The following VPS35L variants were observed in gnomAD, a reference collection of about 807,000 sequenced individuals.
VPS35L encodes the protein VPS35 endosomal protein sorting factor like.
Under a neutral mutation model 133.0 loss-of-function variants are expected in VPS35L, and 83 were observed. That is an observed-to-expected ratio of 0.62 (90% CI 0.52 to 0.75). VPS35L has a LOEUF of 0.75. Among genes scored for constraint, VPS35L ranks in the 30% least tolerant of loss-of-function variants. VPS35L has a pLI of 0.00. For missense variants in VPS35L, 1,083 were observed against 1,206.8 expected (o/e 0.90, Z 1.52); for synonymous variants, 423 against 449.9 (o/e 0.94, Z 0.76).
chr16:19,658,958 C>A (rs1036665180), intron 26 of VPS35L, among the ~76,000 whole-genome samples: 1 of 91,884 alleles, frequency 1.1e-5, no homozygotes, highest in Non-Finnish European at 1.7e-5. Context: ...GAGGCTCAGG[C>A]GTGCTCAGGA....
At position 19,699,569 on chromosome 16, in the gene VPS35L, G is replaced by T; in HGVS notation, c.2714G>T (p.Arg905Leu). 6.2e-7 allele frequency: 1 copy of T among 1,614,164 alleles called. No homozygotes were observed. Among genetic ancestry groups the T allele is most frequent in the Non-Finnish European group, 8.5e-7 (1 of 1,180,030 alleles). ...FNSILAHGDL[R>L]NNKLNQLSVN... ...AGCATCTTGGCCCATGGGGACCTAC[G>T]CAACAACAAGCTCAACCAGCTCTCC... Residue 905 changes from arginine (R) to leucine (L), a missense_variant, in exon 30 of 31, where the codon CGC (arginine) becomes CTC (leucine). By Grantham distance (102) the Arg-to-Leu change is moderately radical (BLOSUM62 -2). Coordinates refer to ENST00000417362, the MANE Select transcript of VPS35L (RefSeq NM_020314.7). The surrounding 1 kb of genome is among the most constrained non-coding windows in gnomAD (Gnocchi z 4.2).
intron 1 of VPS35L, among the ~76,000 whole-genome samples, chr16:19,561,550 C>T (rs534825418): frequency 6.6e-6 from 1 of 152,042 alleles, no homozygotes; most frequent in African/African-American, 2.4e-5. Context: ...GTAAAGCTGA[C>T]TAGTTGCACG....
At chr16:19,581,482 T>G in intron 6 of VPS35L, 43 bp from the exon 7 acceptor site, 1 of 1,500,668 alleles carries the variant, frequency 6.7e-7, no homozygotes, top group Admixed American at 2.2e-5. Flanking sequence ...AGTCGAGCAA[T>G]GTTTTTCCTG....
At chr16:19,660,047 C>T (rs550289246) in intron 26 of VPS35L, among the ~76,000 whole-genome samples, 8 of 152,146 alleles carry the variant, frequency 5.3e-5, no homozygotes, top group South Asian at 2.1e-4. Context: ...GATTTTTGGC[C>T]GGGCACGGTG....
At chr16:19,573,840 A>G (rs1971455919) in intron 4 of VPS35L, among the ~76,000 whole-genome samples, 1 of 152,144 alleles carries the variant, frequency 6.6e-6, no homozygotes, top group African/African-American at 2.4e-5. Flanking sequence ...TAATTAATTT[A>G]AAAAATGAAT....
At chr16:19,614,155 T>C (rs953133390) in intron 12 of VPS35L, among the ~76,000 whole-genome samples, 1 of 152,168 alleles carries the variant, frequency 6.6e-6, no homozygotes, top group Admixed American at 6.5e-5. Context: ...AACAGATAAT[T>C]ATTGTCTTTT....
chr16:19,573,984 A>G (rs574869), intron 4 of VPS35L, among the ~76,000 whole-genome samples: 14,853 of 152,182 alleles, frequency 0.098, 787 homozygotes, highest in African/African-American at 0.14. Context: ...CTTTGGCCTC[A>G]AGACACTTAC....
chr16:19,613,761 C>T (rs536586147), intron 12 of VPS35L, among the ~76,000 whole-genome samples: 2 of 152,208 alleles, frequency 1.3e-5, no homozygotes, highest in African/African-American at 4.8e-5. Context: ...GGTCACATGC[C>T]CTTGCATGGA....
chr16:19,634,316 A>G (rs1973553826), intron 19 of VPS35L, among the ~76,000 whole-genome samples: 1 of 151,462 alleles, frequency 6.6e-6, no homozygotes, highest in African/African-American at 2.4e-5. Flanking sequence ...GCATGCCTAT[A>G]GTCCCAGCTA....
intron 29 of VPS35L, among the ~76,000 whole-genome samples, chr16:19,697,412 G>A (rs1975953883): frequency 6.6e-6 from 1 of 152,188 alleles, no homozygotes; most frequent in African/African-American, 2.4e-5. Context: ...ATAGCTCACT[G>A]CAGCCTCAAA....
chr16:19,678,790 TA>T (rs933749095), intron 27 of VPS35L, among the ~76,000 whole-genome samples: 140 of 144,986 alleles, frequency 9.7e-4, no homozygotes, highest in Admixed American at 1.0e-3. Flanking sequence ...TCAGTACAAT[TA>T]AAAAAAAAAA....
chr16:19,630,257 T>C (rs1973404057), intron 18 of VPS35L, among the ~76,000 whole-genome samples: 1 of 151,940 alleles, frequency 6.6e-6, no homozygotes, highest in Non-Finnish European at 1.5e-5. Context: ...GCAGAGACTT[T>C]AGAAGAAGAT....
intron 1 of VPS35L, among the ~76,000 whole-genome samples, chr16:19,557,690 T>C (rs1331721829): frequency 6.6e-6 from 1 of 152,114 alleles, no homozygotes; most frequent in Non-Finnish European, 1.5e-5. Context: ...GCCCGTGCTC[T>C]GAACATTTCC....
chr16:19,560,490 C>T (rs1266054853), intron 1 of VPS35L, among the ~76,000 whole-genome samples: 1 of 152,136 alleles, frequency 6.6e-6, no homozygotes, highest in East Asian at 1.9e-4. Flanking sequence ...TTCTTGACAA[C>T]AGATAAAATT....
At chr16:19,611,944 CTTT>C (rs1213608306) in intron 12 of VPS35L, 4 of 144,228 alleles carry the variant, frequency 2.8e-5, no homozygotes, top group Admixed American at 7.0e-5. Flanking sequence ...TTTCTTTTTC[CTTT>C]TTTTTTTTTT....
intron 26 of VPS35L, among the ~76,000 whole-genome samples, chr16:19,656,740 G>A (rs988590044): frequency 6.6e-5 from 10 of 151,978 alleles, no homozygotes; most frequent in Non-Finnish European, 1.3e-4. Flanking sequence ...ATGAAAGTAT[G>A]CCATGGGTTT....
Position 19,664,376 on chromosome 16 carries a change from G to A in VPS35L, c.2222-4784G>A, listed in dbSNP as rs1425984243. Among the ~76,000 whole-genome samples, 6 of 152,042 alleles carry A rather than the reference G, an allele frequency of 3.9e-5. No individual in the cohort carries two copies. The East Asian group carries it at 7.8e-4, about 20-fold the overall frequency. On this transcript the variant is annotated intron_variant, in intron 26 of 30. Transcript: ENST00000417362. Reference sequence around the variant, plus strand: ...TCTCTGCCCAGCAGAGAGCAGTGCCGTGAGATGCGTCAATTGCTGTGTGGA... The same window carrying A: ...TCTCTGCCCAGCAGAGAGCAGTGCCATGAGATGCGTCAATTGCTGTGTGGA...
In VPS35L at chr16:19,699,852, C is replaced by G. The variant is rs1385848339; in HGVS notation, c.2793+204C>G. On this transcript the variant is annotated intron_variant, in intron 30 of 30. Transcript: ENST00000417362. The surrounding 1 kb of genome is among the most constrained non-coding windows in gnomAD (Gnocchi z 4.2). Reference sequence around the variant, plus strand: ...GCAGCTCATGCCTATAATCCCAGCACTTTGGGAGGCTGAGACAGGAGGATC... The same window carrying G: ...GCAGCTCATGCCTATAATCCCAGCAGTTTGGGAGGCTGAGACAGGAGGATC... Among the ~76,000 whole-genome samples the G allele has an allele frequency of 1.3e-5, 2 of 152,192 alleles. No individual in the cohort carries two copies. Among genetic ancestry groups the G allele is most frequent in the Non-Finnish European group, 2.9e-5 (2 of 68,034 alleles).
intron 28 of VPS35L, among the ~76,000 whole-genome samples, chr16:19,691,143 A>G (rs1490620662): frequency 1.3e-5 from 2 of 151,866 alleles, no homozygotes; most frequent in Non-Finnish European, 2.9e-5. Context: ...TGACTTCCAC[A>G]CCCCTGGCTT....
Sources: gnomAD v4.1 joint callset for allele counts (sites outside exome capture counted in the v4.1 genomes callset) on GRCh38, gnomAD v4.1.1 for gene constraint, Gnocchi (gnomAD v3.1) non-coding constraint, MANE v1.5 for transcripts, NCBI Gene and HGNC (gene_info 2026-07-23, HGNC 2026-07-21) for gene names.